The following AGMO variants were observed in gnomAD, a reference collection of about 807,000 sequenced individuals.
The protein encoded by AGMO is glyceryl-ether monooxygenase.
In AGMO, 75 loss-of-function variants were observed where a neutral mutation model predicts 60.2. The ratio of observed to expected loss-of-function variants is 1.25; its 90% confidence interval spans 1.03 to 1.51. AGMO has a LOEUF of 1.51. Ranked by LOEUF, AGMO falls within the 40% of genes most tolerant of loss-of-function variation. AGMO has a pLI of 0.00. For synonymous variants in AGMO, 261 were observed against 177.1 expected (o/e 1.47, Z -3.76); for missense variants, 763 against 525.5 (o/e 1.45, Z -4.42).
chr7:15,166,661 CA>C, the AGMO span, among the ~76,000 whole-genome samples: 38 of 152,142 alleles, frequency 2.5e-4, no homozygotes, highest in Admixed American at 4.6e-4. Flanking sequence ...AAGGCCACTG[CA>C]GTCATCCAGT....
intron 10 of AGMO, among the ~76,000 whole-genome samples, chr7:15,377,779 ATTAAG>A (rs1783511653): frequency 6.6e-6 from 1 of 152,158 alleles, no homozygotes; most frequent in Middle Eastern, 3.4e-3. Context: ...GGGAGAACAT[ATTAAG>A]TTAATATATT....
At chr7:15,132,548 C>G in the AGMO span, among the ~76,000 whole-genome samples, 207 of 152,212 alleles carry the variant, frequency 1.4e-3, no homozygotes, top group African/African-American at 4.4e-3. Context: ...TCCAATAAGG[C>G]ATAAACAAAT....
At chr7:15,493,370 T>C (rs1234774672) in intron 3 of AGMO, among the ~76,000 whole-genome samples, 18 of 96,614 alleles carry the variant, frequency 1.9e-4, no homozygotes, top group Admixed American at 2.9e-4. Context: ...CACTTCTTTT[T>C]TTTTTTTTTT....
At chr7:15,491,754 A>G (rs1668779938) in intron 3 of AGMO, among the ~76,000 whole-genome samples, 1 of 152,200 alleles carries the variant, frequency 6.6e-6, no homozygotes, top group Admixed American at 6.5e-5. Context: ...AGCATACCAA[A>G]AGAATTAAGA....
the AGMO span, among the ~76,000 whole-genome samples, chr7:15,119,816 G>C: frequency 6.6e-6 from 1 of 151,968 alleles, no homozygotes; most frequent in Non-Finnish European, 1.5e-5. Context: ...CAGAGAAAAT[G>C]GAAACAATTA....
chr7:15,298,194 T>C (rs1784458238), intron 12 of AGMO, among the ~76,000 whole-genome samples: 1 of 152,062 alleles, frequency 6.6e-6, no homozygotes, highest in African/African-American at 2.4e-5. Context: ...AATAACAAGT[T>C]TCCTTATAAT....
At chr7:15,550,770 C>G (rs948393089) in intron 2 of AGMO, among the ~76,000 whole-genome samples, 4 of 140,140 alleles carry the variant, frequency 2.9e-5, no homozygotes, top group Non-Finnish European at 4.6e-5. Context: ...CCTTCTGAAA[C>G]TATTCCAATC....
At chr7:15,129,518 T>A in the AGMO span, among the ~76,000 whole-genome samples, 89 of 152,262 alleles carry the variant, frequency 5.8e-4, no homozygotes, top group African/African-American at 2.1e-3. Context: ...TTGTTGTGAC[T>A]TATAATCACA....
At chr7:15,536,452 C>G (rs1282908115) in intron 3 of AGMO, among the ~76,000 whole-genome samples, 6 of 151,882 alleles carry the variant, frequency 4.0e-5, no homozygotes, top group Non-Finnish European at 8.8e-5. Flanking sequence ...TTTATGCATA[C>G]AACTATAGAC....
chr7:15,214,291 G>A (rs762108080), intron 12 of AGMO, among the ~76,000 whole-genome samples: 1 of 151,964 alleles, frequency 6.6e-6, no homozygotes, highest in Non-Finnish European at 1.5e-5. Flanking sequence ...TTCTGATTAT[G>A]TCAAAGGTAT....
intron 12 of AGMO, among the ~76,000 whole-genome samples, chr7:15,244,862 C>G (rs1782696227): frequency 6.6e-6 from 1 of 152,122 alleles, no homozygotes; most frequent in South Asian, 2.1e-4. Flanking sequence ...CCATGTTACT[C>G]AGGATGGTCT....
chr7:15,309,414 T>G (rs890397169), intron 12 of AGMO, among the ~76,000 whole-genome samples: 1 of 152,034 alleles, frequency 6.6e-6, no homozygotes, highest in African/African-American at 2.4e-5. Context: ...ATCAAAAGAG[T>G]TATAAAACAA....
intron 3 of AGMO, among the ~76,000 whole-genome samples, chr7:15,472,332 GAA>G (rs556867557): frequency 7.0e-4 from 107 of 151,944 alleles, no homozygotes; most frequent in Middle Eastern, 3.4e-3. Context: ...AAGCTGAATG[GAA>G]ATGTATTTCT....
At chr7:15,283,908 A>C (rs1784032953) in intron 12 of AGMO, among the ~76,000 whole-genome samples, 2 of 152,222 alleles carry the variant, frequency 1.3e-5, no homozygotes, top group South Asian at 4.1e-4. Context: ...GAATAAAACT[A>C]GAAATCAACT....
chr7:15,515,153 C>T (rs1270991200), intron 3 of AGMO, among the ~76,000 whole-genome samples: 2 of 152,164 alleles, frequency 1.3e-5, no homozygotes, highest in Non-Finnish European at 2.9e-5. Flanking sequence ...TAAAATTATT[C>T]TTTCAATGTG....
the AGMO span, among the ~76,000 whole-genome samples, chr7:15,139,788 G>T: frequency 7.0e-6 from 1 of 143,138 alleles, no homozygotes; most frequent in African/African-American, 2.7e-5. Context: ...TCCAGCCTGG[G>T]CTACAGAGCT....
chr7:15,385,656 A>AT (rs11331867), intron 9 of AGMO, 94 bp from the exon 10 acceptor site: 100 of 736,790 alleles, frequency 1.4e-4, no homozygotes, highest in East Asian at 1.8e-4. Flanking sequence ...AGTATCTGCT[A>AT]TTTTTTTTAA....
At position 15,561,905 on chromosome 7, in the gene AGMO, G is replaced by C. The variant is rs1024890605; in HGVS notation, c.-60C>G. Reference sequence around the variant, plus strand: ...TTAGGATTCAATGCTTGAAGCCTGAGGCTGAACAAAGAGGACGAGATGTGC... The same window carrying C: ...TTAGGATTCAATGCTTGAAGCCTGACGCTGAACAAAGAGGACGAGATGTGC... On this transcript the variant is annotated 5_prime_UTR_variant, in exon 1 of 13. Coordinates refer to ENST00000342526, the MANE Select transcript of AGMO (RefSeq NM_001004320.2). 6.6e-7 allele frequency: 1 copy of C among 1,521,210 alleles called. No homozygotes were observed. Among genetic ancestry groups the C allele is most frequent in the Admixed American group, 2.0e-5 (1 of 49,920 alleles). 94.2% of individuals were successfully genotyped at this position (1,521,210 alleles called of 1,614,324 possible).
intron 3 of AGMO, among the ~76,000 whole-genome samples, chr7:15,521,886 T>C (rs761509463): frequency 2.0e-5 from 3 of 152,096 alleles, no homozygotes; most frequent in Non-Finnish European, 4.4e-5. Context: ...GGTATTCAAA[T>C]AGGAAGAGAG....
Sources: gnomAD v4.1 joint callset for allele counts (sites outside exome capture counted in the v4.1 genomes callset) on GRCh38, gnomAD v4.1.1 for gene constraint, MANE v1.5 for transcripts, NCBI Gene and HGNC (gene_info 2026-07-23, HGNC 2026-07-21) for gene names.